GPR158: variants seen among roughly 807,000 people sequenced by gnomAD.
GPR158 encodes G protein-coupled receptor 158.
A neutral mutation model predicts 78.2 loss-of-function variants in GPR158; 30 were observed. The observed-to-expected ratio is 0.38, with a 90% CI of 0.29 to 0.52. The LOEUF is 0.52. Ranked by LOEUF, GPR158 falls within the 20% of genes least tolerant of loss-of-function variation. The pLI is 0.83. For missense variants in GPR158, 1,463 were observed against 1,523.5 expected (o/e 0.96, Z 0.66); for synonymous variants, 581 against 591.1 (o/e 0.98, Z 0.25).
At chr10:25,291,641 G>T (rs1451618537) in intron 2 of GPR158, among the ~76,000 whole-genome samples, 1 of 151,922 alleles carries the variant, frequency 6.6e-6, no homozygotes, top group Non-Finnish European at 1.5e-5. Context: ...TACAACTTCT[G>T]TATAACCAAA....
chr10:25,385,180 C>G (rs1248857565), intron 2 of GPR158, among the ~76,000 whole-genome samples: 1 of 152,076 alleles, frequency 6.6e-6, no homozygotes, highest in Non-Finnish European at 1.5e-5. Flanking sequence ...ATGAGTTTAT[C>G]TACTTCAGGT....
intron 4 of GPR158, among the ~76,000 whole-genome samples, chr10:25,440,185 C>T (rs372295245): frequency 5.3e-4 from 80 of 152,320 alleles, no homozygotes; most frequent in African/African-American, 1.9e-3. Context: ...TTACCTCTCT[C>T]GTCTCTCTTA....
At chr10:25,412,634 G>T (rs1385925055) in intron 4 of GPR158, among the ~76,000 whole-genome samples, 161 bp downstream of exon 4, 1 of 152,160 alleles carries the variant, frequency 6.6e-6, no homozygotes, top group Admixed American at 6.5e-5. Context: ...TAGCTGACCA[G>T]AAAAATAGAG....
chr10:25,476,121 C>T (rs996039094), intron 5 of GPR158, among the ~76,000 whole-genome samples: 1 of 152,226 alleles, frequency 6.6e-6, no homozygotes, highest in East Asian at 1.9e-4. Context: ...AGCATTCAAA[C>T]GTTTTCTTAC....
chr10:25,525,036 A>G (rs1365139431), intron 5 of GPR158, among the ~76,000 whole-genome samples: 1 of 152,214 alleles, frequency 6.6e-6, no homozygotes, highest in Non-Finnish European at 1.5e-5. Flanking sequence ...ATCATTTCTC[A>G]TTAGGGAAAT....
intron 5 of GPR158, among the ~76,000 whole-genome samples, chr10:25,482,740 G>A (rs1564467820): frequency 6.6e-6 from 1 of 152,110 alleles, no homozygotes; most frequent in Non-Finnish European, 1.5e-5. Context: ...GTATGTGCGT[G>A]TATCTATTCA....
At chr10:25,292,892 G>C (rs139616579) in intron 2 of GPR158, among the ~76,000 whole-genome samples, 73 of 152,234 alleles carry the variant, frequency 4.8e-4, no homozygotes, top group African/African-American at 1.7e-3. Flanking sequence ...CATTAAGAAA[G>C]CAAACAATGC....
At chr10:25,280,067 A>G (rs369946239) in intron 2 of GPR158, among the ~76,000 whole-genome samples, 5 of 152,166 alleles carry the variant, frequency 3.3e-5, no homozygotes, top group African/African-American at 9.6e-5. Flanking sequence ...CCAAAAAAGC[A>G]TAGAAAAATC....
intron 5 of GPR158, among the ~76,000 whole-genome samples, chr10:25,542,006 T>TA (rs1836594578): frequency 6.8e-6 from 1 of 147,824 alleles, no homozygotes; most frequent in South Asian, 2.2e-4. Context: ...TTATAAATTA[T>TA]AAAGTCGTTA....
At chr10:25,304,574 A>G (rs1854642004) in intron 2 of GPR158, among the ~76,000 whole-genome samples, 1 of 151,958 alleles carries the variant, frequency 6.6e-6, no homozygotes, top group African/African-American at 2.4e-5. Flanking sequence ...TATATATAAT[A>G]TATATATGTA....
intron 5 of GPR158, among the ~76,000 whole-genome samples, chr10:25,536,012 C>T (rs906217929): frequency 3.3e-5 from 5 of 152,216 alleles, no homozygotes; most frequent in Middle Eastern, 3.4e-3. Flanking sequence ...AAGTGAGGCC[C>T]AGAGAAATTA....
At chr10:25,279,509 G>A (rs540944179) in intron 2 of GPR158, among the ~76,000 whole-genome samples, 1 of 152,144 alleles carries the variant, frequency 6.6e-6, no homozygotes, top group Admixed American at 6.5e-5. Flanking sequence ...TTTGTGGGGT[G>A]GGGGGAGATT....
At position 25,221,163 on chromosome 10, in the gene GPR158, A is replaced by G. The variant is rs372579448; in HGVS notation, c.1008+6A>G. The G allele has an allele frequency of 1.3e-5, 18 of 1,396,892 alleles. No individual in the cohort carries two copies. The African/African-American group carries it at 1.8e-4, about 14-fold the overall frequency. 86.5% of individuals were successfully genotyped at this position (1,396,892 alleles called of 1,614,324 possible). A position where few individuals can be genotyped will look rare whatever the true frequency, so the allele number is the denominator to read the frequency against. ...GCCACCTCAACAATTCAGAGGTAAG[A>G]AGATGAAAATAAAATCCTCTTTAAG... On this transcript the variant is annotated splice_donor_region_variant and intron_variant, in intron 2 of 10. Coordinates refer to ENST00000376351, the MANE Select transcript of GPR158 (RefSeq NM_020752.3).
intron 2 of GPR158, among the ~76,000 whole-genome samples, chr10:25,254,212 T>C (rs2130726334): frequency 6.6e-6 from 1 of 152,314 alleles, no homozygotes; most frequent in South Asian, 2.1e-4. Flanking sequence ...CTTTACAAAT[T>C]AATTATTTCT....
intron 4 of GPR158, among the ~76,000 whole-genome samples, chr10:25,447,358 A>T (rs1464467545): frequency 1.3e-5 from 2 of 152,232 alleles, no homozygotes; most frequent in Non-Finnish European, 2.9e-5. Context: ...CAGAACCAGT[A>T]AGTGGCAGAG....
chr10:25,376,261 AT>A (rs34729612), intron 2 of GPR158, among the ~76,000 whole-genome samples: 1 of 151,308 alleles, frequency 6.6e-6, no homozygotes, highest in South Asian at 2.1e-4. Flanking sequence ...TCTCTTGTGT[AT>A]TTTTTTCCAA....
In GPR158 at chr10:25,551,091, T is replaced by C. The variant is rs537078214; in HGVS notation, c.1514+6T>C. 3 of 1,411,238 alleles carry C rather than the reference T, an allele frequency of 2.1e-6. No homozygotes were observed. The highest frequency in any genetic ancestry group is 1.8e-4 in the Middle Eastern group (1 of 5,658). 87.4% of individuals were successfully genotyped at this position (1,411,238 alleles called of 1,614,324 possible). On this transcript the variant is annotated splice_donor_region_variant and intron_variant, in intron 6 of 10. Coordinates refer to ENST00000376351, the MANE Select transcript of GPR158 (RefSeq NM_020752.3). ...GTCACTCTCAAACTTCACAGGTATA[T>C]ACATTTTATTCATCGTCATTCTCAT...
At chr10:25,410,099 C>A (rs752858555) in intron 3 of GPR158, among the ~76,000 whole-genome samples, 32 of 152,124 alleles carry the variant, frequency 2.1e-4, no homozygotes, top group Non-Finnish European at 4.3e-4. Context: ...ACTGTAAATA[C>A]TCCTCCCTGT....
chr10:25,591,424 C>G (rs1366153156), intron 8 of GPR158, among the ~76,000 whole-genome samples: 7 of 152,116 alleles, frequency 4.6e-5, no homozygotes, highest in Admixed American at 2.0e-4. Flanking sequence ...TGCTGTAAAT[C>G]TTTCCTACAG....
Sources: gnomAD v4.1 joint callset for allele counts (sites outside exome capture counted in the v4.1 genomes callset) on GRCh38, gnomAD v4.1.1 for gene constraint, MANE v1.5 for transcripts, NCBI Gene and HGNC (gene_info 2026-07-23, HGNC 2026-07-21) for gene names.